GABRB2: variants seen among roughly 807,000 people sequenced by gnomAD.
GABRB2 encodes gamma-aminobutyric acid receptor subunit beta-2.
GABRB2 carries 16 observed loss-of-function variants against 54.7 expected under a neutral mutation model. The observed-to-expected ratio is 0.29, with a 90% confidence interval of 0.20 to 0.44. The LOEUF (loss-of-function observed/expected upper bound fraction) is 0.44. GABRB2 is among the 20% of genes least tolerant of loss of function. The pLI is 1.00. For missense variants in GABRB2, 355 were observed against 644.0 expected (o/e 0.55, Z 4.86); for synonymous variants, 244 against 233.8 (o/e 1.04, Z -0.40).
At chr5:161,504,624 G>A (rs1759547292) in intron 3 of GABRB2, among the ~76,000 whole-genome samples, 1 of 150,586 alleles carries the variant, frequency 6.6e-6, no homozygotes, top group Non-Finnish European at 1.5e-5. Context: ...TAATGATCTA[G>A]GATAAACCTT....
intron 4 of GABRB2, among the ~76,000 whole-genome samples, chr5:161,427,104 A>G (rs1757021965): frequency 6.6e-6 from 1 of 152,140 alleles, no homozygotes; most frequent in African/African-American, 2.4e-5. Flanking sequence ...AACCTATGGC[A>G]AAGGGCTTCA....
chr5:161,515,641 T>A lies in GABRB2; in HGVS notation c.237+29586A>T, dbSNP rs1561678810. 2.0e-5 allele frequency among the ~76,000 whole-genome samples: 3 copies of A among 152,174 alleles called. 1 individual carries two copies. The highest frequency in any genetic ancestry group is 4.4e-5 in the Non-Finnish European group (3 of 68,026). On this transcript the variant is annotated intron_variant, in intron 3 of 9. Coordinates refer to ENST00000393959, the MANE Select transcript of GABRB2 (RefSeq NM_001371727.1). ...TATCTAAGCTTGTTAGAGTTAAAGG[T>A]TAGAAGAACATGTAGAAGAACTCAT...
chr5:161,295,408 G>A (rs965238329), intron 9 of GABRB2, among the ~76,000 whole-genome samples: 1 of 152,106 alleles, frequency 6.6e-6, no homozygotes, highest in African/African-American at 2.4e-5. Context: ...ATTTTTAAGA[G>A]GCCTCAACTG....
chr5:161,368,126 CA>C (rs1755024428), intron 5 of GABRB2, among the ~76,000 whole-genome samples: 1 of 151,310 alleles, frequency 6.6e-6, no homozygotes, highest in Non-Finnish European at 1.5e-5. Context: ...GACACACACA[CA>C]CACACACACA....
intron 5 of GABRB2, among the ~76,000 whole-genome samples, chr5:161,342,006 G>A (rs1754182202): frequency 7.2e-6 from 1 of 139,682 alleles, no homozygotes; most frequent in Admixed American, 7.3e-5. Context: ...GGGAAATTAA[G>A]GTGACTTATT....
intron 4 of GABRB2, among the ~76,000 whole-genome samples, chr5:161,424,883 G>A (rs894115581): frequency 3.9e-5 from 6 of 152,110 alleles, no homozygotes; most frequent in Non-Finnish European, 8.8e-5. Context: ...CATGGGAGGA[G>A]TTCAAAATAC....
intron 5 of GABRB2, among the ~76,000 whole-genome samples, chr5:161,388,045 T>G (rs1052987704): frequency 6.6e-6 from 1 of 152,156 alleles, no homozygotes; most frequent in Non-Finnish European, 1.5e-5. Context: ...GATCATAAAC[T>G]AAGAACATGT....
chr5:161,442,604 G>A (rs1440748107), intron 4 of GABRB2, among the ~76,000 whole-genome samples: 3 of 152,150 alleles, frequency 2.0e-5, no homozygotes, highest in Admixed American at 2.0e-4. Flanking sequence ...CTGTAATGCT[G>A]AGCAGCACTG....
intron 2 of GABRB2, 94 bp downstream of exon 2, chr5:161,546,219 ACACCACATG>A (rs1760982665): frequency 2.3e-6 from 2 of 858,500 alleles, no homozygotes; most frequent in Non-Finnish European, 3.9e-6. Flanking sequence ...CACATTCAGG[ACACCACATG>A]CACCCACAAC....
Position 161,331,018 on chromosome 5 carries a change from G to A in GABRB2, c.942C>T (p.Val314=), listed in dbSNP as rs1416001499. ...ATTCCAGAAGGGCCATGAAAACGAA[G>A]ACAAAGCACCCCATCAGGTACATGT... ...AIDMYLMGCF[V]FVFMALLEYA... is the part of the protein sequence containing the mutation. The change falls in exon 8 of 10, where the codon GTC becomes GTT. Residue 314 remains valine (V), a synonymous_variant. Transcript: ENST00000393959. 1.2e-6 allele frequency: 2 copies of A among 1,614,054 alleles called. No homozygotes were observed. Among genetic ancestry groups the A allele is most frequent in the South Asian group, 1.1e-5 (1 of 91,084 alleles).
At chr5:161,541,478 TAA>T in intron 3 of GABRB2, among the ~76,000 whole-genome samples, 1 of 152,358 alleles carries the variant, frequency 6.6e-6, no homozygotes, top group African/African-American at 2.4e-5. Context: ...TCTTATCTAA[TAA>T]AGTCTTTTGT....
At chr5:161,411,350 G>A (rs1486706521) in intron 4 of GABRB2, among the ~76,000 whole-genome samples, 1 of 152,168 alleles carries the variant, frequency 6.6e-6, no homozygotes, top group Admixed American at 6.5e-5. Context: ...TTGGGGAGAG[G>A]TGGAGTGGTG....
chr5:161,350,054 A>T (rs531585564), intron 5 of GABRB2, among the ~76,000 whole-genome samples: 2 of 152,274 alleles, frequency 1.3e-5, no homozygotes, highest in South Asian at 4.1e-4. Flanking sequence ...TATAGAAGGA[A>T]TGTGGTCAGA....
chr5:161,417,604 T>C (rs1756716989), intron 4 of GABRB2, among the ~76,000 whole-genome samples: 1 of 152,222 alleles, frequency 6.6e-6, no homozygotes, highest in Non-Finnish European at 1.5e-5. Flanking sequence ...CCCATGAAAA[T>C]ACATTACATG....
chr5:161,517,421 A>C (rs1374751883), intron 3 of GABRB2, among the ~76,000 whole-genome samples: 1 of 152,182 alleles, frequency 6.6e-6, no homozygotes, highest in Non-Finnish European at 1.5e-5. Context: ...CTTTCATCTC[A>C]GTTTATAAGT....
intron 5 of GABRB2, among the ~76,000 whole-genome samples, chr5:161,406,395 T>C (rs141823798): frequency 5.3e-5 from 8 of 152,174 alleles, no homozygotes; most frequent in African/African-American, 1.9e-4. Flanking sequence ...GAATAAAATC[T>C]ACGAAGGTTG....
chr5:161,459,980 T>C, intron 3 of GABRB2, 136 bp from the exon 4 acceptor site: 2 of 568,880 alleles, frequency 3.5e-6, no homozygotes, highest in Non-Finnish European at 6.0e-6. Context: ...GGTCTCACTC[T>C]GTCACCCAGG....
chr5:161,461,992 T>C (rs1758130340), intron 3 of GABRB2, among the ~76,000 whole-genome samples: 1 of 152,196 alleles, frequency 6.6e-6, no homozygotes, highest in Admixed American at 6.5e-5. Context: ...TCATATTATC[T>C]GCTCTAACAC....
intron 3 of GABRB2, among the ~76,000 whole-genome samples, chr5:161,512,439 C>T (rs1434158740): frequency 6.6e-6 from 1 of 152,026 alleles, no homozygotes; most frequent in East Asian, 1.9e-4. Context: ...CTGATTTTGA[C>T]AAAGTCAATG....
Sources: allele counts gnomAD v4.1 joint callset (sites outside exome capture counted in the v4.1 genomes callset), GRCh38; gene constraint gnomAD v4.1.1; transcripts MANE v1.5; gene names NCBI Gene and HGNC (gene_info 2026-07-23, HGNC 2026-07-21).